DLG2: variants seen among roughly 807,000 people sequenced by gnomAD.
DLG2 encodes discs large MAGUK scaffold protein 2.
In DLG2, 45 loss-of-function variants were observed where a neutral mutation model predicts 132.5. The ratio of observed to expected loss-of-function variants is 0.34; its 90% CI spans 0.27 to 0.44. DLG2 has a LOEUF of 0.44. DLG2 is among the 20% of genes least tolerant of loss of function. The probability of loss-of-function intolerance (pLI) is 1.00; values close to 1 mark genes in which losing one functional copy is unlikely to be tolerated. For synonymous variants in DLG2, 424 were observed against 419.6 expected (o/e 1.01, Z -0.13); for missense variants, 1,045 against 1,196.9 (o/e 0.87, Z 1.87).
chr11:85,161,349 C>T (rs1388996685), intron 4 of DLG2, among the ~76,000 whole-genome samples: 1 of 152,190 alleles, frequency 6.6e-6, no homozygotes, highest in Non-Finnish European at 1.5e-5. Context: ...CTCACCAAGG[C>T]TGAGCTGCCT....
At chr11:83,984,700 T>G (rs1039542614) in intron 11 of DLG2, among the ~76,000 whole-genome samples, 5 of 152,130 alleles carry the variant, frequency 3.3e-5, no homozygotes, top group Non-Finnish European at 5.9e-5. Flanking sequence ...TTTTTAATTT[T>G]TAGTTGTTAT....
At chr11:84,186,416 C>G (rs2096277565) in intron 8 of DLG2, among the ~76,000 whole-genome samples, 1 of 151,846 alleles carries the variant, frequency 6.6e-6, no homozygotes. Context: ...TATTAGACAA[C>G]TTAGAATTTA....
At chr11:84,237,363 C>G (rs1238135214) in intron 8 of DLG2, among the ~76,000 whole-genome samples, 1 of 152,174 alleles carries the variant, frequency 6.6e-6, no homozygotes, top group Non-Finnish European at 1.5e-5. Context: ...CTGAGATTGT[C>G]TTTAAAGAGA....
chr11:84,638,735 T>C (rs1160065506), intron 6 of DLG2, among the ~76,000 whole-genome samples: 1 of 152,184 alleles, frequency 6.6e-6, no homozygotes, highest in Non-Finnish European at 1.5e-5. Context: ...CCATGGGACT[T>C]AACACAGAAC....
intron 8 of DLG2, among the ~76,000 whole-genome samples, chr11:84,194,656 T>G (rs1351212988): frequency 6.6e-6 from 1 of 152,188 alleles, no homozygotes; most frequent in Non-Finnish European, 1.5e-5. Flanking sequence ...GAGTGCTGAT[T>G]GGTGTATTTA....
At chr11:84,531,822 T>C (rs1387185590) in intron 7 of DLG2, among the ~76,000 whole-genome samples, 1 of 151,940 alleles carries the variant, frequency 6.6e-6, no homozygotes, top group Non-Finnish European at 1.5e-5. Context: ...TAACAGAAAA[T>C]CTAGGCTAAG....
chr11:84,714,529 C>CTT (rs2060814359), intron 6 of DLG2, among the ~76,000 whole-genome samples: 1 of 104,644 alleles, frequency 9.6e-6, no homozygotes, highest in Non-Finnish European at 1.7e-5. Context: ...CCCATTTCCT[C>CTT]TTTCTCTTTC....
chr11:84,521,235 T>A (rs1242713520), intron 7 of DLG2, among the ~76,000 whole-genome samples: 3 of 152,176 alleles, frequency 2.0e-5, no homozygotes, highest in African/African-American at 7.2e-5. Context: ...AAAATTGGCA[T>A]AAACAAATAA....
intron 7 of DLG2, among the ~76,000 whole-genome samples, chr11:84,334,338 G>A (rs2098474322): frequency 6.6e-6 from 1 of 152,140 alleles, no homozygotes; most frequent in African/African-American, 2.4e-5. Context: ...CAAGTTTGGA[G>A]GTTTTAGGGG....
chr11:84,351,814 A>C (rs942876113), intron 7 of DLG2, among the ~76,000 whole-genome samples: 5 of 152,192 alleles, frequency 3.3e-5, no homozygotes, highest in Non-Finnish European at 7.4e-5. Flanking sequence ...TAATTAGAAC[A>C]GACTGTAACA....
chr11:85,106,651 C>T (rs919940123), intron 6 of DLG2, among the ~76,000 whole-genome samples: 5 of 151,970 alleles, frequency 3.3e-5, no homozygotes, highest in African/African-American at 1.2e-4. Context: ...GCTATGTTAA[C>T]ACTTATTATG....
At chr11:84,979,737 A>T (rs1464613315) in intron 6 of DLG2, among the ~76,000 whole-genome samples, 1 of 152,118 alleles carries the variant, frequency 6.6e-6, no homozygotes, top group Non-Finnish European at 1.5e-5. Flanking sequence ...GCACACCAAC[A>T]TGGCACATGT....
At chr11:84,253,907 G>A (rs1312429300) in intron 7 of DLG2, among the ~76,000 whole-genome samples, 2 of 152,046 alleles carry the variant, frequency 1.3e-5, no homozygotes, top group African/African-American at 4.8e-5. Flanking sequence ...TGATATGTCA[G>A]CCCTATACTA....
chr11:84,442,917 T>C (rs2099021924), intron 7 of DLG2, among the ~76,000 whole-genome samples: 1 of 152,166 alleles, frequency 6.6e-6, no homozygotes, highest in Admixed American at 6.6e-5. Context: ...GCATGTTTTA[T>C]CACTATGGAC....
intron 15 of DLG2, among the ~76,000 whole-genome samples, chr11:83,876,463 G>A (rs12283213): frequency 0.39 from 59,143 of 151,654 alleles, 11,669 homozygotes; most frequent in South Asian, 0.52. Context: ...AAATTTACAA[G>A]CATATAAAAT....
chr11:84,192,448 A>G (rs985481583), intron 8 of DLG2, among the ~76,000 whole-genome samples: 1 of 152,200 alleles, frequency 6.6e-6, no homozygotes, highest in Non-Finnish European at 1.5e-5. Flanking sequence ...TGGCAAAGAA[A>G]GGCTGGGCAC....
rs148490327 is a variant in DLG2, at chr11:83,964,660, C to T, written c.1201+664G>A. Among the ~76,000 whole-genome samples, 482 of 152,036 alleles carry T rather than the reference C, an allele frequency of 3.2e-3. 5 individuals are homozygous for T. The highest frequency in any genetic ancestry group is 0.026 in the Admixed American group (393 of 15,230). On this transcript the variant is annotated intron_variant, in intron 13 of 27. Transcript: ENST00000376104. ...CAAAGACAGAAACTTAGTTAAGATT[C>T]GTGTTGACCTATTAAGAAGAGGAGA...
intron 15 of DLG2, among the ~76,000 whole-genome samples, chr11:83,897,503 A>G (rs1327708150): frequency 6.6e-6 from 1 of 152,222 alleles, no homozygotes; most frequent in Non-Finnish European, 1.5e-5. Context: ...TAAATGTTAA[A>G]TTACTTGAAA....
At chr11:85,031,992 G>A (rs1029423589) in intron 6 of DLG2, among the ~76,000 whole-genome samples, 1 of 137,486 alleles carries the variant, frequency 7.3e-6, no homozygotes, top group African/African-American at 2.7e-5. Flanking sequence ...AGTAGAGGTG[G>A]TGTTTCACTA....
Sources: gnomAD v4.1 joint callset for allele counts (sites outside exome capture counted in the v4.1 genomes callset) on GRCh38, gnomAD v4.1.1 for gene constraint, MANE v1.5 for transcripts, NCBI Gene and HGNC (gene_info 2026-07-23, HGNC 2026-07-21) for gene names.